SLC7A1: variants seen among roughly 807,000 people sequenced by gnomAD.
SLC7A1 encodes high affinity cationic amino acid transporter 1.
SLC7A1 carries 10 observed loss-of-function variants against 53.9 expected under a neutral mutation model. The ratio of observed to expected loss-of-function variants is 0.19; its 90% confidence interval spans 0.11 to 0.31. The LOEUF is 0.31. Among genes scored for constraint, SLC7A1 ranks in the 10% least tolerant of loss-of-function variants. The pLI is 1.00. For synonymous variants in SLC7A1, 342 were observed against 338.7 expected, an observed-to-expected ratio of 1.01 and a Z score of -0.11; for missense variants, 525 against 827.2, an observed-to-expected ratio of 0.63 and a Z score of 4.48.
At chr13:29,569,795 A>G (rs1463818417) in intron 1 of SLC7A1, among the ~76,000 whole-genome samples, 3 of 152,068 alleles carry the variant, frequency 2.0e-5, no homozygotes, top group Non-Finnish European at 4.4e-5. Context: ...ATCAGTCCTC[A>G]TTTCATAAAT....
chr13:29,543,016 GTGACTGATCCCATGCC>G (rs1255335469), intron 2 of SLC7A1, among the ~76,000 whole-genome samples: 1 of 152,206 alleles, frequency 6.6e-6, no homozygotes, highest in Non-Finnish European at 1.5e-5. Flanking sequence ...TCCACCCAAA[GTGACTGATCCCATGCC>G]TGTTATGTGC....
At chr13:29,563,086 G>A (rs1185969435) in intron 1 of SLC7A1, among the ~76,000 whole-genome samples, 1 of 152,238 alleles carries the variant, frequency 6.6e-6, no homozygotes, top group East Asian at 1.9e-4. Flanking sequence ...GGCAACGAGA[G>A]AGGCCGGGAG....
intron 1 of SLC7A1, among the ~76,000 whole-genome samples, chr13:29,580,355 C>A (rs1225070066): frequency 6.6e-6 from 1 of 152,100 alleles, no homozygotes; most frequent in African/African-American, 2.4e-5. Context: ...TGTTAAGAGT[C>A]CAGGATTCCT....
chr13:29,546,305 A>T (rs558639622), intron 2 of SLC7A1, among the ~76,000 whole-genome samples: 24 of 152,360 alleles, frequency 1.6e-4, no homozygotes, highest in Non-Finnish European at 3.2e-4. Context: ...CACATCTCAG[A>T]AGAAACTTGT....
chr13:29,571,687 T>C (rs887663241), intron 1 of SLC7A1, among the ~76,000 whole-genome samples: 1 of 152,238 alleles, frequency 6.6e-6, no homozygotes, highest in Non-Finnish European at 1.5e-5. Context: ...CTCCAATTTC[T>C]TCCACTCTGA....
rs34941634 is a variant in SLC7A1, at chr13:29,523,439, C to A, written c.876G>T (p.Ala292=). 1 of 1,613,992 alleles carries A rather than the reference C, an allele frequency of 6.2e-7. No individual in the cohort carries two copies. The highest frequency in any genetic ancestry group is 8.5e-7 in the Non-Finnish European group (1 of 1,180,030). ...AGGCGATGAAGCAGATCAAGAGGGA[C>A]GCCACGATCCCCACGGGGATGGCCT... is the stretch of plus-strand genomic sequence containing the variant. ...PQKAIPVGIV[A]SLLICFIAYF... is the part of the protein sequence containing the mutation. Residue 292 remains alanine (A), a synonymous_variant, in exon 7 of 13, where the codon GCG becomes GCT. Coordinates refer to ENST00000380752, the MANE Select transcript of SLC7A1 (RefSeq NM_003045.5).
chr13:29,576,753 C>G (rs1871431619), intron 1 of SLC7A1, among the ~76,000 whole-genome samples: 1 of 152,104 alleles, frequency 6.6e-6, no homozygotes, highest in Non-Finnish European at 1.5e-5. Context: ...ATCTGCTGCC[C>G]AACTGATAAA....
intron 2 of SLC7A1, among the ~76,000 whole-genome samples, chr13:29,540,619 A>C (rs1360208372): frequency 1.3e-5 from 2 of 152,186 alleles, no homozygotes; most frequent in Non-Finnish European, 2.9e-5. Context: ...GGCCAGGAGG[A>C]GTCAAAAGCA....
At chr13:29,579,723 CACTATTCTGA>C (rs1384351475) in intron 1 of SLC7A1, among the ~76,000 whole-genome samples, 1 of 152,146 alleles carries the variant, frequency 6.6e-6, no homozygotes, top group Non-Finnish European at 1.5e-5. Context: ...ACTGGAAATA[CACTATTCTGA>C]ACGGCCCAAG....
At chr13:29,544,168 G>A (rs1014931600) in intron 2 of SLC7A1, among the ~76,000 whole-genome samples, 18 of 152,204 alleles carry the variant, frequency 1.2e-4, no homozygotes, top group Non-Finnish European at 1.6e-4. Context: ...TCTTTACAGC[G>A]TGAATCTGTT....
chr13:29,543,429 T>C (rs1869756768), intron 2 of SLC7A1, among the ~76,000 whole-genome samples: 1 of 150,494 alleles, frequency 6.6e-6, no homozygotes, highest in Admixed American at 6.6e-5. Context: ...GTTTCAGTCC[T>C]TCAGGCCTCC....
At chr13:29,539,756 C>A (rs936826709) in intron 2 of SLC7A1, among the ~76,000 whole-genome samples, 10 of 152,078 alleles carry the variant, frequency 6.6e-5, no homozygotes, top group African/African-American at 2.4e-4. Flanking sequence ...TTACTTTTAC[C>A]TTGGTTACTT....
chr13:29,522,512 AC>A (rs1309334427), intron 7 of SLC7A1, 56 bp from the exon 8 acceptor site: 20 of 1,595,354 alleles, frequency 1.3e-5, no homozygotes, highest in Non-Finnish European at 1.5e-5. Flanking sequence ...GGATAAAGGC[AC>A]CACATCCAGC....
chr13:29,537,022 T>C (rs1440619377), intron 2 of SLC7A1, among the ~76,000 whole-genome samples: 2 of 152,212 alleles, frequency 1.3e-5, no homozygotes, highest in Non-Finnish European at 2.9e-5. Context: ...GAGATTGCTT[T>C]CCTCCAACCT....
chr13:29,568,850 A>G (rs1252546250), intron 1 of SLC7A1, among the ~76,000 whole-genome samples: 2 of 152,056 alleles, frequency 1.3e-5, no homozygotes, highest in African/African-American at 4.8e-5. Flanking sequence ...CCGTCCCTTT[A>G]TTTTACCACA....
chr13:29,537,443 G>A (rs149525108), intron 2 of SLC7A1, among the ~76,000 whole-genome samples: 106 of 152,344 alleles, frequency 7.0e-4, no homozygotes, highest in East Asian at 4.0e-3. Context: ...AGAGCCTAGA[G>A]GAGCTAAGGA....
At chr13:29,556,911 T>TAACG (rs1870463646) in intron 1 of SLC7A1, among the ~76,000 whole-genome samples, 1 of 152,250 alleles carries the variant, frequency 6.6e-6, no homozygotes, top group Non-Finnish European at 1.5e-5. Flanking sequence ...CCTGCCACAG[T>TAACG]AACGCTTGCT....
intron 8 of SLC7A1, 65 bp downstream of exon 8, chr13:29,522,252 T>A (rs1226366027): frequency 6.5e-7 from 1 of 1,539,112 alleles, no homozygotes; most frequent in Non-Finnish European, 9.0e-7. Context: ...GCGCAAGACG[T>A]CTCCCTAGGG....
chr13:29,559,832 C>T (rs1870661390), intron 1 of SLC7A1, among the ~76,000 whole-genome samples: 1 of 151,980 alleles, frequency 6.6e-6, no homozygotes, highest in Non-Finnish European at 1.5e-5. Context: ...TCTCCTGCCT[C>T]AGCCTCCCAA....
Sources: gnomAD v4.1 joint callset for allele counts (sites outside exome capture counted in the v4.1 genomes callset) on GRCh38, gnomAD v4.1.1 for gene constraint, MANE v1.5 for transcripts, NCBI Gene and HGNC (gene_info 2026-07-23, HGNC 2026-07-21) for gene names.